Variants in ITGAE observed in about 807,000 individuals in gnomAD.
ITGAE encodes integrin subunit alpha E.
ITGAE carries 99 observed loss-of-function variants against 136.5 expected under a neutral mutation model. The observed-to-expected ratio is 0.73, with a 90% confidence interval of 0.62 to 0.86. The LOEUF is 0.86. Ranked by LOEUF, ITGAE falls within the 40% of genes least tolerant of loss-of-function variation. ITGAE has a pLI of 0.00. For missense variants in ITGAE, 1,447 were observed against 1,515.3 expected, an observed-to-expected ratio of 0.95 and a Z score of 0.75; for synonymous variants, 613 against 591.8, an observed-to-expected ratio of 1.04 and a Z score of -0.52.
At chr17:3,725,279 C>A (rs1272459635) in intron 26 of ITGAE, 1 of 1,614,188 alleles carries the variant, frequency 6.2e-7, no homozygotes, top group East Asian at 2.2e-5. Flanking sequence ...GCCCCTTAAA[C>A]ACTCTAAGTA....
chr17:3,749,258 CTT>C (rs796375843), intron 16 of ITGAE, among the ~76,000 whole-genome samples: 23 of 144,062 alleles, frequency 1.6e-4, no homozygotes, highest in Admixed American at 2.1e-4. Context: ...CTCTGTTTTT[CTT>C]TTTTTTTTTT....
chr17:3,797,532 C>A (rs971353759), intron 1 of ITGAE, among the ~76,000 whole-genome samples: 1 of 148,002 alleles, frequency 6.8e-6, no homozygotes, highest in African/African-American at 2.5e-5. Flanking sequence ...GTGATCTCAG[C>A]TCACTGCAAC....
intron 20 of ITGAE, among the ~76,000 whole-genome samples, chr17:3,736,393 C>G (rs2051460406): frequency 6.6e-6 from 1 of 152,126 alleles, no homozygotes; most frequent in Non-Finnish European, 1.5e-5. Flanking sequence ...GTACCCAAAT[C>G]CTCTTTCTAC....
At chr17:3,785,212 C>T (rs1344081948) in intron 1 of ITGAE, among the ~76,000 whole-genome samples, 3 of 151,858 alleles carry the variant, frequency 2.0e-5, no homozygotes, top group Admixed American at 1.3e-4. Flanking sequence ...CTCATGCCTG[C>T]AACCCCAGCA....
chr17:3,750,628 G>T (rs2051842526), intron 15 of ITGAE, 146 bp from the exon 16 acceptor site: 1 of 942,186 alleles, frequency 1.1e-6, no homozygotes, highest in Non-Finnish European at 1.5e-6. Flanking sequence ...GAGGGAGCAA[G>T]CTTTCCCAGA....
chr17:3,783,341 A>T (rs1438115302), intron 1 of ITGAE, among the ~76,000 whole-genome samples: 1 of 151,782 alleles, frequency 6.6e-6, no homozygotes, highest in Admixed American at 6.6e-5. Context: ...AGGTTTCACC[A>T]TGTTGGCCAG....
chr17:3,795,389 CCT>C (rs989947124), intron 1 of ITGAE, among the ~76,000 whole-genome samples: 31 of 152,358 alleles, frequency 2.0e-4, no homozygotes, highest in Middle Eastern at 3.4e-3. Context: ...CCACCCCACC[CCT>C]GTGTTCACTT....
At chr17:3,724,885 G>C in intron 26 of ITGAE, 1 of 1,613,560 alleles carries the variant, frequency 6.2e-7, no homozygotes. Context: ...CAGGAGGCCA[G>C]TGTTCCCAAG....
At chr17:3,748,135 T>C in intron 16 of ITGAE, 83 bp from the exon 17 acceptor site, 1 of 1,396,176 alleles carries the variant, frequency 7.2e-7, no homozygotes, top group South Asian at 1.3e-5. Flanking sequence ...ATGCATTCAA[T>C]GGTTCTCTAT....
At position 3,798,839 on chromosome 17, in the gene ITGAE, C is replaced by A. The variant is rs114052059; in HGVS notation, c.34+2272G>T. 2.5e-3 allele frequency among the ~76,000 whole-genome samples: 384 copies of A among 152,320 alleles called. No individual in the cohort carries two copies. Among genetic ancestry groups the A allele is most frequent in the African/African-American group, 8.5e-3 (354 of 41,572 alleles). On this transcript the variant is annotated intron_variant, in intron 1 of 30. Transcript: ENST00000263087. This position sits in a 1 kb window ranked among gnomAD's most constrained non-coding sequence, Gnocchi z 4.3. ...AGACTGACTTGGGGACAGCAGGCCA[C>A]AGGGTAAGAGGGCATGATGGGGCTG...
At chr17:3,766,792 AAATAATAATAATAATAATAATAAT>A (rs146384772) in intron 2 of ITGAE, among the ~76,000 whole-genome samples, 65 of 136,910 alleles carry the variant, frequency 4.7e-4, no homozygotes, top group South Asian at 9.8e-4. Context: ...AAAGAGTGCA[AAATAATAATAATAATAATAATAAT>A]AATAATAATA....
intron 3 of ITGAE, 70 bp downstream of exon 3, chr17:3,763,799 G>A (rs1445089161): frequency 7.9e-6 from 10 of 1,261,030 alleles, no homozygotes; most frequent in Non-Finnish European, 1.0e-5. Flanking sequence ...AATGGTTTGA[G>A]TTTAGATGAG....
chr17:3,731,093 G>T lies in ITGAE; in HGVS notation c.2834+11C>A. 6.2e-7 allele frequency: 1 copy of T among 1,607,690 alleles called. No homozygotes were observed. The highest frequency in any genetic ancestry group is 8.5e-7 in the Non-Finnish European group (1 of 1,174,374). On this transcript the variant is annotated intron_variant, in intron 23 of 30. Coordinates refer to ENST00000263087, the MANE Select transcript of ITGAE (RefSeq NM_002208.5). ...ATAGCCTGACTCTGCTGTGACCCAG[G>T]CAGTACTTACTTGGTGACAGTCACA...
intron 20 of ITGAE, among the ~76,000 whole-genome samples, chr17:3,736,226 T>C (rs892184510): frequency 7.2e-5 from 11 of 152,134 alleles, no homozygotes; most frequent in Admixed American, 6.6e-4. Flanking sequence ...GGAGAATTGC[T>C]TGAGCCCGGG....
At chr17:3,761,892 C>G in intron 4 of ITGAE, 23 bp downstream of exon 4, 1 of 1,608,616 alleles carries the variant, frequency 6.2e-7, no homozygotes, top group South Asian at 1.1e-5. Flanking sequence ...TAAGGCCCTC[C>G]CTCCTCTCGC....
Position 3,731,069 on chromosome 17 carries a change from T to C in ITGAE, c.2834+35A>G, listed in dbSNP as rs2051330528. 7 of 1,548,212 alleles carry C rather than the reference T, an allele frequency of 4.5e-6. No homozygotes were observed. In the South Asian group the frequency reaches 7.8e-5, roughly 17 times the overall value. On this transcript the variant is annotated intron_variant, in intron 23 of 30. Coordinates refer to ENST00000263087, the MANE Select transcript of ITGAE (RefSeq NM_002208.5). ...GGCAGGGAGATGTCTTCCGGGGTCA[T>C]AGCCTGACTCTGCTGTGACCCAGGC...
intron 26 of ITGAE, chr17:3,726,833 C>G (rs2051225543): frequency 6.6e-6 from 1 of 151,834 alleles, no homozygotes; most frequent in South Asian, 2.1e-4. Context: ...TCAAGCAATT[C>G]TCCTACCTCA....
intron 19 of ITGAE, 128 bp downstream of exon 19, chr17:3,743,361 G>T: frequency 9.2e-7 from 1 of 1,084,418 alleles, no homozygotes; most frequent in Non-Finnish European, 1.3e-6. Context: ...CATGAGTACG[G>T]TGAGGGGCCC....
chr17:3,723,827 G>A (rs1209882465), intron 26 of ITGAE, 83 bp from the exon 27 acceptor site: 11 of 1,557,234 alleles, frequency 7.1e-6, no homozygotes, highest in Admixed American at 2.0e-5. Context: ...GCCCTGGCGA[G>A]GTGCGCATGC....
Sources: allele counts gnomAD v4.1 joint callset (sites outside exome capture counted in the v4.1 genomes callset), GRCh38; gene constraint gnomAD v4.1.1; non-coding constraint Gnocchi (gnomAD v3.1); transcripts MANE v1.5; gene names NCBI Gene and HGNC (gene_info 2026-07-23, HGNC 2026-07-21).